The following GPM6A variants were observed in gnomAD, a reference collection of about 807,000 sequenced individuals.
GPM6A encodes the protein neuronal membrane glycoprotein M6-a.
Under a neutral mutation model 32.1 loss-of-function variants are expected in GPM6A, and 7 were observed. The observed-to-expected ratio is 0.22, with a 90% confidence interval of 0.12 to 0.41. The LOEUF (loss-of-function observed/expected upper bound fraction) is 0.41, where lower values mean the gene tolerates loss of function less well. GPM6A is among the 10% of genes least tolerant of loss of function. The pLI is 1.00. For synonymous variants in GPM6A, 130 were observed against 123.4 expected (o/e 1.05, Z -0.35); for missense variants, 235 against 347.2 (o/e 0.68, Z 2.57).
chr4:175,884,809 C>T (rs1480616145), intron 1 of GPM6A, among the ~76,000 whole-genome samples: 1 of 152,134 alleles, frequency 6.6e-6, no homozygotes, highest in Non-Finnish European at 1.5e-5. Context: ...GCTGGGATTA[C>T]AGGGGTTAGC....
intron 4 of GPM6A, among the ~76,000 whole-genome samples, chr4:175,642,461 G>T (rs945803804): frequency 2.0e-5 from 3 of 152,062 alleles, no homozygotes; most frequent in Admixed American, 6.6e-5. Flanking sequence ...GTCAGATTTT[G>T]CCCTAACCCC....
At chr4:175,687,810 C>T (rs1358430268) in intron 2 of GPM6A, among the ~76,000 whole-genome samples, 2 of 152,144 alleles carry the variant, frequency 1.3e-5, no homozygotes, top group African/African-American at 4.8e-5. Flanking sequence ...CACTAGGGTT[C>T]AAATTTATTC....
intron 1 of GPM6A, among the ~76,000 whole-genome samples, chr4:175,869,168 G>T (rs1420339428): frequency 1.3e-5 from 2 of 151,964 alleles, no homozygotes; most frequent in Non-Finnish European, 1.5e-5. Context: ...CAAAAATCTC[G>T]CTATTCAAAC....
intron 4 of GPM6A, among the ~76,000 whole-genome samples, chr4:175,643,973 G>A (rs1741302706): frequency 6.6e-6 from 1 of 152,122 alleles, no homozygotes; most frequent in South Asian, 2.1e-4. Context: ...GGAAGAACCA[G>A]GTGAGAAGTA....
chr4:175,941,802 G>C (rs543072138), intron 1 of GPM6A, among the ~76,000 whole-genome samples: 1 of 152,244 alleles, frequency 6.6e-6, no homozygotes, highest in South Asian at 2.1e-4. Flanking sequence ...CATTTGGGTT[G>C]GTTCCAAGTC....
chr4:175,751,054 G>A (rs1732315122), intron 1 of GPM6A, among the ~76,000 whole-genome samples: 1 of 152,242 alleles, frequency 6.6e-6, no homozygotes, highest in Non-Finnish European at 1.5e-5. Context: ...TGTGAGACTT[G>A]AGATGATATG....
chr4:175,734,585 T>C (rs1009311554), intron 1 of GPM6A, among the ~76,000 whole-genome samples: 4 of 151,944 alleles, frequency 2.6e-5, no homozygotes, highest in Admixed American at 6.6e-5. Context: ...AAAAATGCTA[T>C]ATAATAGGCT....
At chr4:175,945,018 G>C (rs1417345934) in intron 1 of GPM6A, among the ~76,000 whole-genome samples, 2 of 152,064 alleles carry the variant, frequency 1.3e-5, no homozygotes. Flanking sequence ...CAAAGGAGAA[G>C]ATCAGTCAAA....
At chr4:175,693,093 T>G (rs60444664) in intron 2 of GPM6A, among the ~76,000 whole-genome samples, 7,153 of 152,054 alleles carry the variant, frequency 0.047, 203 homozygotes, top group Non-Finnish European at 0.063. Context: ...ATGGCACTTT[T>G]CTCACATACC....
chr4:175,850,095 T>C (rs1191682008), intron 1 of GPM6A, among the ~76,000 whole-genome samples: 1 of 152,168 alleles, frequency 6.6e-6, no homozygotes, highest in African/African-American at 2.4e-5. Context: ...AAAGGAAAGA[T>C]GTGAAGAGAC....
intron 1 of GPM6A, among the ~76,000 whole-genome samples, chr4:175,823,772 T>C (rs1735349263): frequency 6.6e-6 from 1 of 152,182 alleles, no homozygotes. Flanking sequence ...CTCTTACATT[T>C]CCAGAGATCA....
chr4:175,885,425 T>C (rs761841579), intron 1 of GPM6A, among the ~76,000 whole-genome samples: 3 of 152,204 alleles, frequency 2.0e-5, no homozygotes, highest in Non-Finnish European at 4.4e-5. Flanking sequence ...AGCCCAGGAA[T>C]TGGAGACCAA....
chr4:175,835,601 C>T (rs943512206), intron 1 of GPM6A, among the ~76,000 whole-genome samples: 1 of 142,734 alleles, frequency 7.0e-6, no homozygotes, highest in East Asian at 2.0e-4. Context: ...TTTAGCATAC[C>T]CAAGTATATG....
rs545550001 is a variant in GPM6A, at chr4:175,901,288, G to A, written c.-22-89039C>T. On this transcript the variant is annotated intron_variant, in intron 1 of 7. Transcript: ENST00000280187. ...AATTGCATATTTTAAAATAACTTAA[G>A]AATGTAATTGAGTTGTTTGTAACTC... is the stretch of plus-strand genomic sequence containing the variant. 3.3e-5 allele frequency among the ~76,000 whole-genome samples: 5 copies of A among 152,220 alleles called. No homozygotes were observed. The South Asian group carries it at 6.2e-4, about 19-fold the overall frequency.
At chr4:175,772,091 A>G (rs1733215486) in intron 1 of GPM6A, among the ~76,000 whole-genome samples, 1 of 152,186 alleles carries the variant, frequency 6.6e-6, no homozygotes, top group Non-Finnish European at 1.5e-5. Flanking sequence ...GGTCAGTCAC[A>G]AGGGGAAGGA....
chr4:175,678,183 G>A (rs532852889), intron 2 of GPM6A, among the ~76,000 whole-genome samples: 83 of 152,242 alleles, frequency 5.5e-4, no homozygotes, highest in African/African-American at 1.9e-3. Flanking sequence ...ACATCTGGAG[G>A]AGAACTGTCA....
intron 3 of GPM6A, among the ~76,000 whole-genome samples, chr4:175,663,283 G>C (rs903191766): frequency 1.3e-5 from 2 of 152,204 alleles, no homozygotes; most frequent in Non-Finnish European, 2.9e-5. Flanking sequence ...AAACTTGGAA[G>C]TAACCAAGAT....
Position 175,844,047 on chromosome 4 carries a change from T to C in GPM6A, c.-22-31798A>G, listed in dbSNP as rs192089834. Reference sequence around the variant, plus strand: ...TAGCAGCTACCCTTAATGTCTCTTCTTGGTAATTTCTCATCCACTGACCAC... The same window carrying C: ...TAGCAGCTACCCTTAATGTCTCTTCCTGGTAATTTCTCATCCACTGACCAC... On this transcript the variant is annotated intron_variant, in intron 1 of 7. Coordinates refer to the GPM6A transcript ENST00000280187. Among the ~76,000 whole-genome samples, 15 of 152,308 alleles carry C rather than the reference T, an allele frequency of 9.8e-5. No individual in the cohort carries two copies. In the East Asian group the frequency reaches 2.5e-3, roughly 25 times the overall value.
intron 1 of GPM6A, among the ~76,000 whole-genome samples, chr4:175,795,463 C>T (rs1288306729): frequency 1.3e-5 from 2 of 152,066 alleles, no homozygotes; most frequent in African/African-American, 4.8e-5. Flanking sequence ...TATAAAAGCA[C>T]TGTGGGCTGG....
Sources: allele counts gnomAD v4.1 joint callset (sites outside exome capture counted in the v4.1 genomes callset), GRCh38; gene constraint gnomAD v4.1.1; transcripts MANE v1.5; gene names NCBI Gene and HGNC (gene_info 2026-07-23, HGNC 2026-07-21).